Variants in ASH1L observed in about 807,000 individuals in gnomAD.
The protein encoded by ASH1L is histone-lysine N-methyltransferase ASH1L.
In ASH1L, 23 loss-of-function variants were observed where a neutral mutation model predicts 269.0. That is an observed-to-expected ratio of 0.09 (90% CI 0.06 to 0.12). ASH1L has a LOEUF of 0.12. ASH1L is among the 10% of genes least tolerant of loss of function. ASH1L has a pLI of 1.00. For synonymous variants in ASH1L, 1,187 were observed against 1,253.5 expected (o/e 0.95, Z 1.12); for missense variants, 2,912 against 3,567.8 (o/e 0.82, Z 4.68).
At chr1:155,462,199 G>C (rs1664353743) in intron 3 of ASH1L, among the ~76,000 whole-genome samples, 1 of 152,138 alleles carries the variant, frequency 6.6e-6, no homozygotes, top group Admixed American at 6.5e-5. Flanking sequence ...ATATTGTGAA[G>C]GTAGGGGGAA....
chr1:155,478,896 T>C lies in ASH1L; in HGVS notation c.3974A>G (p.Asn1325Ser), dbSNP rs1402053209. Residue 1325 changes from asparagine (N) to serine (S), a missense_variant, in exon 3 of 28, where the codon AAT becomes AGT. Coordinates refer to ENST00000392403, the MANE Select transcript of ASH1L (RefSeq NM_018489.3). The surrounding 1 kb of genome is among the most constrained non-coding windows in gnomAD (Gnocchi z 4.6). ...LLPTIFRINF[N>S]SFYTHPSFPL... ...GAAAGAAGGATGTGTATAGAAACTA[T>C]TAAAGTTGATTCGAAAGATAGTTGG... is the stretch of plus-strand genomic sequence containing the variant. The C allele has an allele frequency of 1.2e-6, 2 of 1,613,978 alleles. No homozygotes were observed. Among genetic ancestry groups the C allele is most frequent in the Admixed American group, 1.7e-5 (1 of 60,008 alleles).
At chr1:155,370,696 A>G in intron 11 of ASH1L, 46 bp from the exon 12 acceptor site, 1 of 1,612,256 alleles carries the variant, frequency 6.2e-7, no homozygotes, top group Non-Finnish European at 8.5e-7. Context: ...GAGTAGCTGA[A>G]AGTAAATTTC....
At chr1:155,436,024 C>G (rs1489041976) in intron 5 of ASH1L, among the ~76,000 whole-genome samples, 3 of 152,084 alleles carry the variant, frequency 2.0e-5, no homozygotes, top group Non-Finnish European at 4.4e-5. Flanking sequence ...GCACTCCAGG[C>G]TGGGTGACAG....
At chr1:155,401,391 T>C (rs1159934522) in intron 6 of ASH1L, among the ~76,000 whole-genome samples, 2 of 151,302 alleles carry the variant, frequency 1.3e-5, no homozygotes, top group Non-Finnish European at 2.9e-5. Flanking sequence ...GGCAGGAGAA[T>C]TGCCTGAACC....
rs747847882 is a variant in ASH1L at position 155,478,976 on chromosome 1, T to C, written c.3894A>G (p.Leu1298=). The C allele has an allele frequency of 1.9e-5, 30 of 1,613,696 alleles. No homozygotes were observed. The highest frequency in any genetic ancestry group is 2.4e-5 in the Non-Finnish European group (28 of 1,180,034). The stretch of plus-strand genomic sequence containing the variant: ...TTCGATGAGTGATCCGAATTTCACT[T>C]AGGCGACTTATTAGTTCCTCCAGCT... ...IAELEELISR[L]SEIRITHRSH... The change falls in exon 3 of 28, where the codon CTA becomes CTG. Residue 1298 remains leucine (L), a synonymous_variant. Transcript: ENST00000392403. The surrounding 1 kb of genome is among the most constrained non-coding windows in gnomAD (Gnocchi z 4.6).
In ASH1L at chr1:155,387,629, T is replaced by C. The variant is rs907468046; in HGVS notation, c.6104-7513A>G. Among the ~76,000 whole-genome samples the C allele has an allele frequency of 2.0e-5, 3 of 152,218 alleles. No individual in the cohort carries two copies. In the East Asian group the frequency reaches 5.8e-4, roughly 29 times the overall value. ...TGCCTTGGCTATTTAGGTTCTTTTT[T>C]GGTTCCATATGAATGTTAAAATAGT... is the stretch of plus-strand genomic sequence containing the variant. On this transcript the variant is annotated intron_variant, in intron 7 of 27. Transcript: ENST00000392403.
At chr1:155,399,902 G>A (rs1192439542) in intron 6 of ASH1L, among the ~76,000 whole-genome samples, 1 of 152,142 alleles carries the variant, frequency 6.6e-6, no homozygotes, top group Non-Finnish European at 1.5e-5. Flanking sequence ...ATGATCAGAT[G>A]TGGCTAAAGG....
intron 1 of ASH1L, among the ~76,000 whole-genome samples, chr1:155,545,209 C>CAAAAAAA (rs1670721561): frequency 1.3e-4 from 5 of 39,076 alleles, no homozygotes; most frequent in Non-Finnish European, 1.9e-4. Context: ...AAAAAAAAAG[C>CAAAAAAA]TATGTTTTAC....
At position 155,478,340 on chromosome 1, in the gene ASH1L, G is replaced by A. The variant is rs1035756013; in HGVS notation, c.4530C>T (p.Val1510=). The A allele has an allele frequency of 5.0e-6, 8 of 1,613,930 alleles. No individual in the cohort carries two copies. The African/African-American group carries it at 1.1e-4, about 22-fold the overall frequency. ...VSMDTGSSRS[V]LESLKRYRFG... ...ATCTATAGCGCTTCAAAGATTCCAG[G>A]ACAGATCGGGAAGAGCCAGTGTCCA... Residue 1510 remains valine, a synonymous_variant, in exon 3 of 28, where the codon GTC becomes GTT. Coordinates refer to ENST00000392403, the MANE Select transcript of ASH1L (RefSeq NM_018489.3). This position sits in a 1 kb window ranked among gnomAD's most constrained non-coding sequence, Gnocchi z 4.6.
chr1:155,496,798 T>A (rs531163508), intron 2 of ASH1L, among the ~76,000 whole-genome samples: 1 of 151,932 alleles, frequency 6.6e-6, no homozygotes, highest in South Asian at 2.1e-4. Flanking sequence ...GCAATCACGC[T>A]TGGCTATTTT....
intron 1 of ASH1L, among the ~76,000 whole-genome samples, chr1:155,526,040 A>G: frequency 6.6e-6 from 1 of 151,874 alleles, no homozygotes; most frequent in Non-Finnish European, 1.5e-5. Flanking sequence ...TTTTTCTAAT[A>G]TTTTTCATCC....
intron 16 of ASH1L, among the ~76,000 whole-genome samples, chr1:155,353,883 G>A (rs1195878063): frequency 6.6e-6 from 1 of 152,126 alleles, no homozygotes; most frequent in Non-Finnish European, 1.5e-5. Context: ...CTGTCTGCAA[G>A]TTATTTTCAA....
intron 3 of ASH1L, among the ~76,000 whole-genome samples, chr1:155,468,377 C>T (rs1033295290): frequency 3.9e-5 from 6 of 152,050 alleles, no homozygotes; most frequent in Non-Finnish European, 7.4e-5. Flanking sequence ...TTTCCCTCTT[C>T]ATACTCTGTT....
intron 1 of ASH1L, among the ~76,000 whole-genome samples, chr1:155,551,673 A>AG (rs1259143939): frequency 6.7e-6 from 1 of 148,564 alleles, no homozygotes; most frequent in African/African-American, 2.5e-5. Context: ...AAAAAAAAAA[A>AG]AAAAGAATCT....
chr1:155,371,445 G>A (rs1280499391), intron 10 of ASH1L, among the ~76,000 whole-genome samples: 2 of 152,140 alleles, frequency 1.3e-5, no homozygotes, highest in African/African-American at 4.8e-5. Flanking sequence ...CTACTTGGGA[G>A]GCTGAGGCAG....
At chr1:155,527,572 T>C (rs1400936514) in intron 1 of ASH1L, among the ~76,000 whole-genome samples, 1 of 147,434 alleles carries the variant, frequency 6.8e-6, no homozygotes, top group Non-Finnish European at 1.5e-5. Flanking sequence ...GGTCTCTCTC[T>C]GTCACCCTGG....
At chr1:155,518,383 A>G (rs1174429800) in intron 2 of ASH1L, among the ~76,000 whole-genome samples, 1 of 152,142 alleles carries the variant, frequency 6.6e-6, no homozygotes, top group Non-Finnish European at 1.5e-5. Context: ...GGAAAAAATA[A>G]ACTGGACCTG....
Position 155,481,547 on chromosome 1 carries a change from A to C in ASH1L, c.1323T>G (p.Ser441Arg). Residue 441 changes from serine (S) to arginine (R), a missense_variant, in exon 3 of 28, where the codon AGT (serine) becomes AGG (arginine). Transcript: ENST00000392403. ...PTQEPLKASC[S>R]TNINNQESQE... ...GACTTTCCTGATTATTGATGTTTGT[A>C]CTACAAGAAGCCTTAAGCGGTTCCT... 1 of 1,614,180 alleles carries C rather than the reference A, an allele frequency of 6.2e-7. No homozygotes were observed. The highest frequency in any genetic ancestry group is 8.5e-7 in the Non-Finnish European group (1 of 1,180,012).
At chr1:155,421,936 C>A (rs1224813178) in intron 5 of ASH1L, among the ~76,000 whole-genome samples, 1 of 152,044 alleles carries the variant, frequency 6.6e-6, no homozygotes. Flanking sequence ...GTTGTACAAC[C>A]ATCACCAGTA....
Sources: gnomAD v4.1 joint callset for allele counts (sites outside exome capture counted in the v4.1 genomes callset) on GRCh38, gnomAD v4.1.1 for gene constraint, Gnocchi (gnomAD v3.1) non-coding constraint, MANE v1.5 for transcripts, NCBI Gene and HGNC (gene_info 2026-07-23, HGNC 2026-07-21) for gene names.